DICER1: variants seen among roughly 807,000 people sequenced by gnomAD.
The protein encoded by DICER1 is dicer 1, ribonuclease III.
A neutral mutation model predicts 194.1 loss-of-function variants in DICER1; 43 were observed. The ratio of observed to expected loss-of-function variants is 0.22; its 90% confidence interval spans 0.17 to 0.29. The LOEUF is 0.29. Among genes scored for constraint, DICER1 ranks in the 10% least tolerant of loss-of-function variants. The probability of loss-of-function intolerance (pLI) is 1.00; values close to 1 mark genes in which losing one functional copy is unlikely to be tolerated. For synonymous variants in DICER1, 832 were observed against 820.5 expected (o/e 1.01, Z -0.24); for missense variants, 1,608 against 2,317.0 (o/e 0.69, Z 6.28).
intron 17 of DICER1, 145 bp from the exon 18 acceptor site, chr14:95,106,368 A>G (rs1260633345): frequency 7.4e-6 from 5 of 679,356 alleles, no homozygotes; most frequent in African/African-American, 7.2e-5. Flanking sequence ...TATTCCAAAT[A>G]TATTTCAAGT....
intron 11 of DICER1, among the ~76,000 whole-genome samples, chr14:95,114,368 AAATGAT>A (rs1892247816): frequency 1.3e-5 from 2 of 152,374 alleles, no homozygotes; most frequent in South Asian, 2.1e-4. Context: ...AACAAACAGT[AAATGAT>A]AATGATAGAT....
intron 1 of DICER1, among the ~76,000 whole-genome samples, chr14:95,139,037 A>T (rs1595485078): frequency 6.6e-6 from 1 of 151,460 alleles, no homozygotes; most frequent in East Asian, 1.9e-4. Context: ...CTGCCTCATC[A>T]CCATTCACCA....
chr14:95,117,159 G>A (rs1189182865), intron 9 of DICER1, among the ~76,000 whole-genome samples: 1 of 150,448 alleles, frequency 6.6e-6, no homozygotes, highest in Non-Finnish European at 1.5e-5. Context: ...ACCTTACAAG[G>A]CACAAAAATA....
chr14:95,109,774 C>G (rs912043283), intron 14 of DICER1, among the ~76,000 whole-genome samples: 9 of 152,176 alleles, frequency 5.9e-5, no homozygotes, highest in African/African-American at 2.2e-4. Context: ...AACATACAGG[C>G]ACAGCAGTCC....
intron 22 of DICER1, 77 bp from the exon 23 acceptor site, chr14:95,096,790 A>AG: frequency 6.7e-7 from 1 of 1,489,544 alleles, no homozygotes; most frequent in Non-Finnish European, 9.0e-7. Context: ...AATAAAAGCA[A>AG]GGGTTATGGA....
At position 95,105,888 on chromosome 14, in the gene DICER1, T is replaced by TG. The variant is rs1235627651; in HGVS notation, c.2988-106dup. ...AGAGCTCATTTCAACTACAGCCTCT[T>TG]GGGCTACCCCTTGGGCAAGTTTGTG... is the stretch of plus-strand genomic sequence containing the variant. On this transcript the variant is annotated intron_variant, in intron 18 of 26. Coordinates refer to ENST00000343455, the MANE Select transcript of DICER1 (RefSeq NM_177438.3). The surrounding 1 kb of genome is among the most constrained non-coding windows in gnomAD (Gnocchi z 4.9). The TG allele has an allele frequency of 7.2e-7, 1 of 1,382,452 alleles. No homozygotes were observed. Among genetic ancestry groups the TG allele is most frequent in the African/African-American group, 1.4e-5 (1 of 69,910 alleles). The allele number at this position is 1,382,452 out of a possible 1,614,324, so 85.6% of individuals were successfully genotyped here.
Position 95,107,743 on chromosome 14 carries a change from A to G in DICER1, c.2669T>C (p.Leu890Ser), listed in dbSNP as rs2140020407. 6.2e-7 allele frequency: 1 copy of G among 1,613,878 alleles called. No individual in the cohort carries two copies. Among genetic ancestry groups the G allele is most frequent in the Non-Finnish European group, 8.5e-7 (1 of 1,179,848 alleles). The change falls in exon 17 of 27, where the codon TTG (leucine) becomes TCG (serine). Residue 890 changes from leucine to serine, a missense_variant. Coordinates refer to ENST00000343455, the MANE Select transcript of DICER1 (RefSeq NM_177438.3). ...TTCCATGAATTTAAAGTCAATATCC[A>G]AAGTGCTGGAGTCATTAACTTAGAA... ...PLNVVNDSSTLDIDFKFMEDI... is the reference protein window; with the variant it reads ...PLNVVNDSSTSDIDFKFMEDI...
chr14:95,122,730 C>G (rs1893037526), intron 8 of DICER1, among the ~76,000 whole-genome samples: 1 of 152,180 alleles, frequency 6.6e-6, no homozygotes, highest in South Asian at 2.1e-4. Context: ...CCCTTCCAAT[C>G]TTCAACTTCT....
intron 21 of DICER1, 84 bp downstream of exon 21, chr14:95,103,262 A>C: frequency 1.4e-6 from 2 of 1,413,422 alleles, no homozygotes; most frequent in Non-Finnish European, 2.0e-6. Context: ...ATACGTTCTC[A>C]TCCTCTGAGA....
chr14:95,147,828 C>T (rs1370203736), intron 1 of DICER1, among the ~76,000 whole-genome samples: 1 of 152,170 alleles, frequency 6.6e-6, no homozygotes, highest in African/African-American at 2.4e-5. Flanking sequence ...TCCCACAACG[C>T]CCTCCTGGGA....
intron 20 of DICER1, 87 bp downstream of exon 20, chr14:95,104,984 T>C (rs1891278951): frequency 2.3e-6 from 3 of 1,305,640 alleles, no homozygotes; most frequent in Admixed American, 1.7e-5. Context: ...TTAAGAATTA[T>C]TTTATATACA....
chr14:95,124,012 C>T lies in DICER1; in HGVS notation c.1376+184G>A, dbSNP rs150053269. 6.8e-4 allele frequency among the ~76,000 whole-genome samples: 104 copies of T among 152,236 alleles called. No individual in the cohort carries two copies. Among genetic ancestry groups the T allele is most frequent in the African/African-American group, 2.4e-3 (101 of 41,534 alleles). ...AAAAAAATATCAGCCATATGAAAAGCAGCCTTCTGGAAAACATCCTCTCTG... is the reference window on the plus strand; with the variant it reads ...AAAAAAATATCAGCCATATGAAAAGTAGCCTTCTGGAAAACATCCTCTCTG... On this transcript the variant is annotated intron_variant, in intron 8 of 26. Coordinates refer to ENST00000343455, the MANE Select transcript of DICER1 (RefSeq NM_177438.3). The surrounding 1 kb of genome is among the most constrained non-coding windows in gnomAD (Gnocchi z 4.5).
Position 95,124,097 on chromosome 14 carries a change from T to C in DICER1, c.1376+99A>G. 1 of 865,148 alleles carries C rather than the reference T, an allele frequency of 1.2e-6. No individual in the cohort carries two copies. Among genetic ancestry groups the C allele is most frequent in the Non-Finnish European group, 1.9e-6 (1 of 528,292 alleles). The allele number at this position is 865,148 out of a possible 1,614,324, so 53.6% of individuals were successfully genotyped here. ...TGGCGCCAAGTCAAGGACACTTACA[T>C]AACCCTCATGCTAGCTCTTACAGCT... On this transcript the variant is annotated intron_variant, in intron 8 of 26. Coordinates refer to ENST00000343455, the MANE Select transcript of DICER1 (RefSeq NM_177438.3). This position sits in a 1 kb window ranked among gnomAD's most constrained non-coding sequence, Gnocchi z 4.5.
At chr14:95,096,799 G>A (rs1314564767) in intron 22 of DICER1, 86 bp from the exon 23 acceptor site, 24 of 1,445,290 alleles carry the variant, frequency 1.7e-5, no homozygotes, top group Non-Finnish European at 2.1e-5. Context: ...AAGGGTTATG[G>A]ATAATTTCAA....
intron 1 of DICER1, among the ~76,000 whole-genome samples, chr14:95,153,872 A>G (rs903526507): frequency 6.6e-6 from 1 of 152,250 alleles, no homozygotes; most frequent in African/African-American, 2.4e-5. Flanking sequence ...CCCACAGGCT[A>G]AGGAGGTGGA....
chr14:95,128,586 C>A (rs1224545568), intron 6 of DICER1, among the ~76,000 whole-genome samples: 2 of 152,228 alleles, frequency 1.3e-5, no homozygotes, highest in Non-Finnish European at 2.9e-5. Context: ...AGGCACACTG[C>A]AGATTTTTCT....
At position 95,123,332 on chromosome 14, in the gene DICER1, T is replaced by C. The variant is rs546744779; in HGVS notation, c.1376+864A>G. Among the ~76,000 whole-genome samples the C allele has an allele frequency of 3.9e-5, 6 of 152,344 alleles. No homozygotes were observed. The South Asian group carries it at 8.3e-4, about 21-fold the overall frequency. Reference sequence around the variant, plus strand: ...AGTCTTAGAACTTTCCCCAACATTCTTATTCTCTTCTGATTCACAAAATTT... The same window carrying C: ...AGTCTTAGAACTTTCCCCAACATTCCTATTCTCTTCTGATTCACAAAATTT... On this transcript the variant is annotated intron_variant, in intron 8 of 26. Coordinates refer to ENST00000343455, the MANE Select transcript of DICER1 (RefSeq NM_177438.3).
At chr14:95,107,320 A>T (rs1359368704) in intron 17 of DICER1, among the ~76,000 whole-genome samples, 1 of 150,708 alleles carries the variant, frequency 6.6e-6, no homozygotes, top group Non-Finnish European at 1.5e-5. Context: ...GAGCGATCTC[A>T]GCTCACTGCA....
intron 17 of DICER1, among the ~76,000 whole-genome samples, chr14:95,107,250 T>G (rs1168378250): frequency 6.8e-6 from 1 of 147,854 alleles, no homozygotes; most frequent in Non-Finnish European, 1.5e-5. Context: ...TGTGAATAAG[T>G]GAATTTTTTT....
Sources: allele counts gnomAD v4.1 joint callset (sites outside exome capture counted in the v4.1 genomes callset), GRCh38; gene constraint gnomAD v4.1.1; non-coding constraint Gnocchi (gnomAD v3.1); transcripts MANE v1.5; gene names NCBI Gene and HGNC (gene_info 2026-07-23, HGNC 2026-07-21).